Variants in PRKAA2 observed in about 807,000 individuals in gnomAD.
PRKAA2 encodes the protein protein kinase AMP-activated catalytic subunit alpha 2.
PRKAA2 carries 40 observed loss-of-function variants against 56.3 expected under a neutral mutation model. The ratio of observed to expected loss-of-function variants is 0.71; its 90% confidence interval spans 0.55 to 0.92. The LOEUF is 0.92. PRKAA2 is among the 40% of genes least tolerant of loss of function. The pLI is 0.00. For synonymous variants in PRKAA2, 214 were observed against 234.2 expected (o/e 0.91, Z 0.79); for missense variants, 542 against 686.9 (o/e 0.79, Z 2.36).
Position 56,645,480 on chromosome 1 carries a change from G to T in PRKAA2, c.93G>T (p.Lys31Asn). Residue 31 changes from lysine (K) to asparagine (N), a missense_variant and splice_region_variant, in exon 1 of 9, where the codon AAG (lysine) becomes AAT (asparagine). By Grantham distance (94) the Lys-to-Asn change is moderately conservative. Coordinates refer to ENST00000371244, the MANE Select transcript of PRKAA2 (RefSeq NM_006252.4). ...TLGVGTFGKV[K>N]IGEHQLTGHK... ...GCGTCGGCACCTTCGGCAAAGTGAA[G>T]AGTTGAGTACGCGCTCCGGACCGCT... The T allele has an allele frequency of 6.7e-7, 1 of 1,489,282 alleles. No homozygotes were observed. The highest frequency in any genetic ancestry group is 9.0e-7 in the Non-Finnish European group (1 of 1,112,232). 92.3% of individuals were successfully genotyped at this position (1,489,282 alleles called of 1,614,324 possible).
intron 1 of PRKAA2, among the ~76,000 whole-genome samples, chr1:56,653,246 T>C (rs1643915454): frequency 6.7e-6 from 1 of 150,288 alleles, no homozygotes; most frequent in South Asian, 2.1e-4. Context: ...TTTAGGTTTC[T>C]CTTGCTGATA....
rs1292876167 is a variant in PRKAA2 at position 56,706,072 on chromosome 1, T to G, written c.1294-20T>G. On this transcript the variant is annotated intron_variant, in intron 7 of 8. Transcript: ENST00000371244. ...GTAGATATTTTGTAGTTTATTATTT[T>G]TATTGATTTTTCACTTTAGGTAGTG... 6.3e-7 allele frequency: 1 copy of G among 1,581,314 alleles called. No homozygotes were observed. Among genetic ancestry groups the G allele is most frequent in the African/African-American group, 1.4e-5 (1 of 73,724 alleles).
chr1:56,698,028 A>C (rs1644270287), intron 6 of PRKAA2, among the ~76,000 whole-genome samples: 1 of 150,612 alleles, frequency 6.6e-6, no homozygotes, highest in East Asian at 1.9e-4. Context: ...ATATATATTT[A>C]CTTATCTATA....
At chr1:56,650,063 C>A (rs1010895594) in intron 1 of PRKAA2, among the ~76,000 whole-genome samples, 2 of 151,792 alleles carry the variant, frequency 1.3e-5, no homozygotes, top group African/African-American at 4.8e-5. Flanking sequence ...CCACTGCACT[C>A]CAGCCTGGGT....
intron 1 of PRKAA2, among the ~76,000 whole-genome samples, chr1:56,665,653 C>T (rs1644030001): frequency 6.6e-6 from 1 of 152,174 alleles, no homozygotes; most frequent in South Asian, 2.1e-4. Context: ...ACATTCCCTC[C>T]AGCAACCTAT....
chr1:56,690,329 A>C (rs942415548), intron 2 of PRKAA2, among the ~76,000 whole-genome samples: 1 of 151,914 alleles, frequency 6.6e-6, no homozygotes, highest in African/African-American at 2.4e-5. Flanking sequence ...ATGCCCAGCT[A>C]ATTTTTTGTA....
chr1:56,645,550 AGCCCCGGGCCTCCGGCGGGC>A, intron 1 of PRKAA2, 69 bp downstream of exon 1: 1 of 1,368,206 alleles, frequency 7.3e-7, no homozygotes, highest in Admixed American at 2.7e-5. Flanking sequence ...GAGAGGCGGG[AGCCCCGGGCCTCCGGCGGGC>A]GCGGGGCTCG....
Position 56,707,821 on chromosome 1 carries a change from G to A in PRKAA2, c.*108G>A. On this transcript the variant is annotated 3_prime_UTR_variant, in exon 9 of 9. Coordinates refer to ENST00000371244, the MANE Select transcript of PRKAA2 (RefSeq NM_006252.4). ...CACTGCAATACTAATTGAGAAACATGAATTATTTCCAGGGGCACACAATGC... is the reference window on the plus strand; with the variant it reads ...CACTGCAATACTAATTGAGAAACATAAATTATTTCCAGGGGCACACAATGC... 9.6e-7 allele frequency: 1 copy of A among 1,040,532 alleles called. No homozygotes were observed. Among genetic ancestry groups the A allele is most frequent in the African/African-American group, 1.6e-5 (1 of 62,302 alleles). The allele number at this position is 1,040,532 out of a possible 1,614,324, so 64.5% of individuals were successfully genotyped here.
At chr1:56,651,254 A>G (rs992733471) in intron 1 of PRKAA2, among the ~76,000 whole-genome samples, 3 of 152,230 alleles carry the variant, frequency 2.0e-5, no homozygotes, top group Non-Finnish European at 4.4e-5. Context: ...TGTAGATGTA[A>G]TGTAGAACAG....
At chr1:56,668,412 A>AT (rs1491104386) in intron 1 of PRKAA2, among the ~76,000 whole-genome samples, 2 of 19,318 alleles carry the variant, frequency 1.0e-4, no homozygotes, top group African/African-American at 5.3e-4. Context: ...CTTAAAGTAT[A>AT]AAAAAAAAAA....
chr1:56,708,569 CAA>C lies in PRKAA2; in HGVS notation c.*858_*859del, dbSNP rs1486624514. ...ACAGTGATAAAATAGTTAAATGAAA[CAA>C]AGCAAAGTATCAACAGTCCCTTAAA... On this transcript the variant is annotated 3_prime_UTR_variant, in exon 9 of 9. Coordinates refer to ENST00000371244, the MANE Select transcript of PRKAA2 (RefSeq NM_006252.4). 5 of 152,142 alleles carry C rather than the reference CAA, an allele frequency of 3.3e-5. No homozygotes were observed. The highest frequency in any genetic ancestry group is 1.2e-4 in the African/African-American group (5 of 41,422). 9.4% of individuals were successfully genotyped at this position (152,142 alleles called of 1,614,324 possible).
At chr1:56,681,016 C>T (rs1240527674) in intron 2 of PRKAA2, among the ~76,000 whole-genome samples, 2 of 152,164 alleles carry the variant, frequency 1.3e-5, no homozygotes, top group Non-Finnish European at 2.9e-5. Context: ...CTCTCCAGCA[C>T]CTGTCGTTTC....
At chr1:56,698,997 A>G (rs933343512) in intron 6 of PRKAA2, among the ~76,000 whole-genome samples, 1 of 152,186 alleles carries the variant, frequency 6.6e-6, no homozygotes, top group Non-Finnish European at 1.5e-5. Flanking sequence ...ACTGAGCACA[A>G]ATCCCAGTGC....
chr1:56,662,087 T>C (rs1643998359), intron 1 of PRKAA2, among the ~76,000 whole-genome samples: 2 of 152,288 alleles, frequency 1.3e-5, no homozygotes, highest in South Asian at 4.1e-4. Context: ...TTGTTACTGA[T>C]TCCATCAGAA....
In PRKAA2 at chr1:56,658,876, A is replaced by G. The variant is rs141388142; in HGVS notation, c.94+13395A>G. Reference sequence around the variant, plus strand: ...TACCTCAGCCTCTGCAGTAGCTGGGACTCCAGGTATGCTCCATCACACCAA... The same window carrying G: ...TACCTCAGCCTCTGCAGTAGCTGGGGCTCCAGGTATGCTCCATCACACCAA... On this transcript the variant is annotated intron_variant, in intron 1 of 8. Transcript: ENST00000371244. 1.4e-3 allele frequency among the ~76,000 whole-genome samples: 208 copies of G among 150,586 alleles called. 1 individual carries two copies. The highest frequency in any genetic ancestry group is 4.8e-3 in the African/African-American group (196 of 40,964).
At chr1:56,677,091 G>T (rs902395935) in intron 2 of PRKAA2, among the ~76,000 whole-genome samples, 1 of 152,158 alleles carries the variant, frequency 6.6e-6, no homozygotes, top group Non-Finnish European at 1.5e-5. Flanking sequence ...CCACCCATGA[G>T]CTTGGTAACT....
In PRKAA2 at chr1:56,709,555, A is replaced by G. The variant is rs1265150802; in HGVS notation, c.*1842A>G. 1 of 152,180 alleles carries G rather than the reference A, an allele frequency of 6.6e-6. No individual in the cohort carries two copies. Among genetic ancestry groups the G allele is most frequent in the African/African-American group, 2.4e-5 (1 of 41,456 alleles). 9.4% of individuals were successfully genotyped at this position (152,180 alleles called of 1,614,324 possible). On this transcript the variant is annotated 3_prime_UTR_variant, in exon 9 of 9. Coordinates refer to ENST00000371244, the MANE Select transcript of PRKAA2 (RefSeq NM_006252.4). ...TCCTGCTGTGTTAGCCTGGTCCATT[A>G]TAGATATGGCATAGTTTTGGGTTCT...
chr1:56,660,485 G>A (rs1157278769), intron 1 of PRKAA2, among the ~76,000 whole-genome samples: 5 of 152,088 alleles, frequency 3.3e-5, no homozygotes, highest in Non-Finnish European at 2.9e-5. Context: ...ACTGAACACA[G>A]CAATTCTCCA....
chr1:56,665,984 A>G (rs1160489214), intron 1 of PRKAA2, among the ~76,000 whole-genome samples: 3 of 152,106 alleles, frequency 2.0e-5, no homozygotes, highest in Non-Finnish European at 4.4e-5. Context: ...GCAGTACTAC[A>G]TAGGATTCTT....
Sources: allele counts gnomAD v4.1 joint callset (sites outside exome capture counted in the v4.1 genomes callset), GRCh38; gene constraint gnomAD v4.1.1; transcripts MANE v1.5; gene names NCBI Gene and HGNC (gene_info 2026-07-23, HGNC 2026-07-21).